Variants in CILK1 observed in about 807,000 individuals in gnomAD.
CILK1 encodes serine/threonine-protein kinase ICK.
In CILK1, 47 loss-of-function variants were observed where a neutral mutation model predicts 79.2. The ratio of observed to expected loss-of-function variants is 0.59; its 90% confidence interval spans 0.47 to 0.76. The LOEUF is 0.76. Among genes scored for constraint, CILK1 ranks in the 30% least tolerant of loss-of-function variants. CILK1 has a pLI of 0.00. For missense variants in CILK1, 660 were observed against 769.5 expected, an observed-to-expected ratio of 0.86 and a Z score of 1.68; for synonymous variants, 266 against 275.9, an observed-to-expected ratio of 0.96 and a Z score of 0.36.
intron 5 of CILK1, among the ~76,000 whole-genome samples, chr6:53,029,555 G>A (rs960417892): frequency 6.6e-6 from 1 of 152,140 alleles, no homozygotes; most frequent in African/African-American, 2.4e-5. Context: ...GTAAAGGACA[G>A]GCTGGTAATG....
In CILK1 at chr6:53,018,000, T is replaced by G. The variant is rs142245904; in HGVS notation, c.663+330A>C. On this transcript the variant is annotated intron_variant, in intron 7 of 13. Coordinates refer to ENST00000676107, the MANE Select transcript of CILK1 (RefSeq NM_014920.5). ...TGTAAACATGTGAGTGTAGTAATAA[T>G]GGAGGGAGGCAGCGGCTAAGGATTA... 2.1e-3 allele frequency among the ~76,000 whole-genome samples: 326 copies of G among 152,076 alleles called. 2 individuals are homozygous for G. Among genetic ancestry groups the G allele is most frequent in the African/African-American group, 7.5e-3 (312 of 41,476 alleles).
intron 1 of CILK1, among the ~76,000 whole-genome samples, chr6:53,059,980 A>G (rs769377474): frequency 4.6e-5 from 7 of 152,214 alleles, no homozygotes; most frequent in Non-Finnish European, 1.0e-4. Flanking sequence ...ATATAGAAGG[A>G]GGGATCCATA....
At chr6:53,054,854 G>C (rs1767738640) in intron 1 of CILK1, among the ~76,000 whole-genome samples, 1 of 152,234 alleles carries the variant, frequency 6.6e-6, no homozygotes, top group African/African-American at 2.4e-5. Flanking sequence ...CCTCGGTGGA[G>C]GCAAAGAACA....
At chr6:53,037,455 G>T (rs1420385810) in intron 3 of CILK1, among the ~76,000 whole-genome samples, 1 of 152,144 alleles carries the variant, frequency 6.6e-6, no homozygotes, top group Non-Finnish European at 1.5e-5. Context: ...ACCCGCTTCT[G>T]CCTTCCCTCC....
intron 9 of CILK1, among the ~76,000 whole-genome samples, chr6:53,012,784 T>C (rs1764653196): frequency 1.3e-5 from 2 of 152,212 alleles, no homozygotes; most frequent in Non-Finnish European, 1.5e-5. Flanking sequence ...ATTGTGGTGG[T>C]TGGGAGCCAG....
Position 53,012,134 on chromosome 6 carries a change from C to G in CILK1, c.1246G>C (p.Asp416His), listed in dbSNP as rs150600768. 5 of 1,614,212 alleles carry G rather than the reference C, an allele frequency of 3.1e-6. No homozygotes were observed. The South Asian group carries it at 5.5e-5, about 18-fold the overall frequency. The change falls in exon 10 of 14, where the codon GAT becomes CAT. Residue 416 changes from aspartate (D) to histidine (H), a missense_variant. By Grantham distance (81) the Asp-to-His change is moderately conservative. Transcript: ENST00000676107. ...AAGTCATCCAAGTCAGCCCAATCAT[C>G]TGAATCCTTTGTTGACCTGGAAATA... is the stretch of plus-strand genomic sequence containing the variant. ...GLISRSTKDS[D>H]DWADLDDLDF...
At chr6:53,046,124 T>G (rs1278520249) in intron 1 of CILK1, among the ~76,000 whole-genome samples, 1 of 152,238 alleles carries the variant, frequency 6.6e-6, no homozygotes, top group South Asian at 2.1e-4. Flanking sequence ...TCTCTCAGCC[T>G]TCTCCTGCCT....
chr6:53,015,225 G>A (rs1764824595), intron 8 of CILK1, among the ~76,000 whole-genome samples: 1 of 152,196 alleles, frequency 6.6e-6, no homozygotes, highest in South Asian at 2.1e-4. Flanking sequence ...TCTGAGCAAT[G>A]TAATTGTCAG....
chr6:53,042,117 AGAACCTATT>A (rs1247126943), intron 1 of CILK1, among the ~76,000 whole-genome samples: 1 of 152,240 alleles, frequency 6.6e-6, no homozygotes, highest in Non-Finnish European at 1.5e-5. Flanking sequence ...CAGTTTCCAA[AGAACCTATT>A]GATAAGTTAA....
chr6:53,043,624 T>C (rs984633775), intron 1 of CILK1, among the ~76,000 whole-genome samples: 3 of 152,142 alleles, frequency 2.0e-5, no homozygotes, highest in Admixed American at 6.5e-5. Flanking sequence ...ATGTATTCCA[T>C]TGATGACTAA....
chr6:53,038,254 CT>C (rs1258001252), intron 2 of CILK1, among the ~76,000 whole-genome samples: 3 of 152,156 alleles, frequency 2.0e-5, no homozygotes, highest in Admixed American at 6.5e-5. Flanking sequence ...TACTAACTAA[CT>C]AACCTTGCTC....
At chr6:53,019,466 G>C in intron 5 of CILK1, 107 bp from the exon 6 acceptor site, 1 of 1,273,140 alleles carries the variant, frequency 7.9e-7, no homozygotes, top group Non-Finnish European at 1.1e-6. Flanking sequence ...AAAGTAGTCT[G>C]GCATGGCACC....
rs368882755 is a variant in CILK1, at chr6:53,047,610, C to T, written c.-172-6202G>A. Among the ~76,000 whole-genome samples, 17 of 151,202 alleles carry T rather than the reference C, an allele frequency of 1.1e-4. No homozygotes were observed. In the South Asian group the frequency reaches 1.5e-3, roughly 13 times the overall value. ...ACAGGCGTGAGTACACCTGGCCTCACGCAGGAGTTTGATTTTTATCCTACA... is the reference window on the plus strand; with the variant it reads ...ACAGGCGTGAGTACACCTGGCCTCATGCAGGAGTTTGATTTTTATCCTACA... On this transcript the variant is annotated intron_variant, in intron 1 of 13. Coordinates refer to ENST00000676107, the MANE Select transcript of CILK1 (RefSeq NM_014920.5).
rs1763962776 is a variant in CILK1 at position 53,001,933 on chromosome 6, C to T, written c.*3216G>A. 1 of 152,578 alleles carries T rather than the reference C, an allele frequency of 6.6e-6. No homozygotes were observed. The highest frequency in any genetic ancestry group is 2.4e-5 in the African/African-American group (1 of 41,432). 9.5% of individuals were successfully genotyped at this position (152,578 alleles called of 1,614,324 possible). On this transcript the variant is annotated 3_prime_UTR_variant, in exon 14 of 14. Coordinates refer to ENST00000676107, the MANE Select transcript of CILK1 (RefSeq NM_014920.5). ...AGGGAAATGCTACTTCATGAGAAAG[C>T]ATGGTGCCCATCAACTCCAACAGTA...
intron 1 of CILK1, among the ~76,000 whole-genome samples, chr6:53,046,843 C>T (rs1367401703): frequency 1.3e-5 from 2 of 152,124 alleles, no homozygotes; most frequent in Admixed American, 6.5e-5. Flanking sequence ...AGACAGCAAC[C>T]AACTCTTGGG....
intron 1 of CILK1, among the ~76,000 whole-genome samples, chr6:53,052,816 C>T (rs1767574722): frequency 6.6e-6 from 1 of 151,926 alleles, no homozygotes; most frequent in African/African-American, 2.4e-5. Context: ...GAAGGTCTAA[C>T]CACCTGGGGT....
chr6:53,016,609 G>T (rs1250194446), intron 7 of CILK1, among the ~76,000 whole-genome samples: 1 of 152,180 alleles, frequency 6.6e-6, no homozygotes, highest in Non-Finnish European at 1.5e-5. Context: ...TTCTTTTGGG[G>T]AAAACAAAAT....
chr6:53,023,231 C>T (rs1331402973), intron 5 of CILK1, among the ~76,000 whole-genome samples: 1 of 152,168 alleles, frequency 6.6e-6, no homozygotes, highest in African/African-American at 2.4e-5. Flanking sequence ...CCGCACCTGG[C>T]TAACCATTTT....
At position 53,027,446 on chromosome 6, in the gene CILK1, G is replaced by C. The variant is rs546407849; in HGVS notation, c.358+3619C>G. On this transcript the variant is annotated intron_variant, in intron 5 of 13. Coordinates refer to ENST00000676107, the MANE Select transcript of CILK1 (RefSeq NM_014920.5). Reference sequence around the variant, plus strand: ...TCATTCCCTGTAGGAAGGAAATAGTGACACGAAGTATGGCCGTACTAACTA... The same window carrying C: ...TCATTCCCTGTAGGAAGGAAATAGTCACACGAAGTATGGCCGTACTAACTA... 9.5e-4 allele frequency among the ~76,000 whole-genome samples: 144 copies of C among 152,198 alleles called. 2 individuals are homozygous for C. The highest frequency in any genetic ancestry group is 8.6e-3 in the Admixed American group (131 of 15,280).
Sources: allele counts gnomAD v4.1 joint callset (sites outside exome capture counted in the v4.1 genomes callset), GRCh38; gene constraint gnomAD v4.1.1; transcripts MANE v1.5; gene names NCBI Gene and HGNC (gene_info 2026-07-23, HGNC 2026-07-21).